FBXL14: variants seen among roughly 807,000 people sequenced by gnomAD.
FBXL14 encodes F-box/LRR-repeat protein 14.
FBXL14 carries 11 observed loss-of-function variants against 24.5 expected under a neutral mutation model. The ratio of observed to expected loss-of-function variants is 0.45; its 90% CI spans 0.28 to 0.74. FBXL14 has a LOEUF of 0.74. FBXL14 is among the 30% of genes least tolerant of loss of function. The probability of loss-of-function intolerance (pLI) is 0.12; values close to 1 mark genes in which losing one functional copy is unlikely to be tolerated. For missense variants in FBXL14, 384 were observed against 545.6 expected, an observed-to-expected ratio of 0.70 and a Z score of 2.95; for synonymous variants, 294 against 240.4, an observed-to-expected ratio of 1.22 and a Z score of -2.06.
Position 1,593,574 on chromosome 12 carries a change from C to T in FBXL14, c.493G>A (p.Ala165Thr). The change falls in exon 1 of 2, where the codon GCC becomes ACC. Residue 165 changes from alanine (A) to threonine (T), a missense_variant. Transcript: ENST00000339235. This position sits in a 1 kb window ranked among gnomAD's most constrained non-coding sequence, Gnocchi z 7.4. ...NITNTGLLLI[A>T]WGLQRLKSLN... is the part of the protein sequence containing the mutation. ...CTCTTGAGGCGCTGCAGACCCCAGG[C>T]GATGAGCAGAAGGCCAGTGTTGGTG... is the stretch of plus-strand genomic sequence containing the variant. 2 of 1,614,148 alleles carry T rather than the reference C, an allele frequency of 1.2e-6. No homozygotes were observed. Among genetic ancestry groups the T allele is most frequent in the Non-Finnish European group, 1.7e-6 (2 of 1,180,026 alleles).
chr12:1,592,699 CGGGAGGGGGCTGGAGGA>C (rs1270398002), intron 1 of FBXL14, among the ~76,000 whole-genome samples, 157 bp downstream of exon 1: 1 of 152,086 alleles, frequency 6.6e-6, no homozygotes, highest in Non-Finnish European at 1.5e-5. Context: ...GGCTGGAAGC[CGGGAGGGGGCTGGAGGA>C]GGGAGGAGGA....
chr12:1,589,600 A>G lies in FBXL14; in HGVS notation c.1194+3273T>C, dbSNP rs116242001. The stretch of plus-strand genomic sequence containing the variant: ...TATGACTTATCTGGAAAACAGGGAT[A>G]ATACCTGTTTCAGCAGGTTGCTTTG... On this transcript the variant is annotated intron_variant, in intron 1 of 1. Transcript: ENST00000339235. 3.7e-3 allele frequency among the ~76,000 whole-genome samples: 557 copies of G among 152,250 alleles called. 4 individuals carry two copies. Among genetic ancestry groups the G allele is most frequent in the African/African-American group, 0.013 (526 of 41,548 alleles).
At chr12:1,583,067 A>G (rs1484008194) in intron 1 of FBXL14, among the ~76,000 whole-genome samples, 2 of 152,026 alleles carry the variant, frequency 1.3e-5, no homozygotes, top group Non-Finnish European at 2.9e-5. Flanking sequence ...AGACTCTCTT[A>G]TATTTTATGA....
At chr12:1,570,975 A>G (rs2094444494) in intron 1 of FBXL14, among the ~76,000 whole-genome samples, 1 of 152,164 alleles carries the variant, frequency 6.6e-6, no homozygotes, top group Non-Finnish European at 1.5e-5. Flanking sequence ...GCTGCAGGAC[A>G]GTGGTAGGTT....
chr12:1,582,674 TTTTA>T (rs1448794366), intron 1 of FBXL14, among the ~76,000 whole-genome samples: 1 of 152,220 alleles, frequency 6.6e-6, no homozygotes, highest in Non-Finnish European at 1.5e-5. Flanking sequence ...ACTTTTCCTT[TTTTA>T]TTTATTCTCT....
chr12:1,588,589 A>C (rs1343730154), intron 1 of FBXL14, among the ~76,000 whole-genome samples: 1 of 152,184 alleles, frequency 6.6e-6, no homozygotes, highest in Non-Finnish European at 1.5e-5. Context: ...ATTTATAGAT[A>C]ATCTTTCCAG....
In FBXL14 at chr12:1,579,074, C is replaced by A. The variant is rs1268103130; in HGVS notation, c.1195-12264G>T. On this transcript the variant is annotated intron_variant, in intron 1 of 1. Transcript: ENST00000339235. This position sits in a 1 kb window ranked among gnomAD's most constrained non-coding sequence, Gnocchi z 4.3. ...GCTCCAGATAACACACTTCTACTTG[C>A]TTTCTTTAGGGAAACGACATGGTCT... Among the ~76,000 whole-genome samples the A allele has an allele frequency of 6.6e-6, 1 of 152,058 alleles. No individual in the cohort carries two copies. The highest frequency in any genetic ancestry group is 1.5e-5 in the Non-Finnish European group (1 of 68,002).
At chr12:1,573,831 C>T (rs1033277031) in intron 1 of FBXL14, among the ~76,000 whole-genome samples, 2 of 152,158 alleles carry the variant, frequency 1.3e-5, no homozygotes, top group South Asian at 4.1e-4. Flanking sequence ...ATGGAGAAAC[C>T]TTGTCTCTAC....
upstream of FBXL14, among the ~76,000 whole-genome samples, chr12:1,594,836 C>G (rs930358017): frequency 1.8e-4 from 27 of 151,756 alleles, no homozygotes. Context: ...GCGTCCCCTC[C>G]GCCGCTCCCG....
At chr12:1,568,023 C>A (rs1235422166) in intron 1 of FBXL14, among the ~76,000 whole-genome samples, 2 of 152,338 alleles carry the variant, frequency 1.3e-5, no homozygotes, top group East Asian at 3.9e-4. Context: ...TGACAGATTT[C>A]TCCAAATTAA....
intron 1 of FBXL14, among the ~76,000 whole-genome samples, chr12:1,574,226 G>C (rs2094450723): frequency 6.6e-6 from 1 of 151,730 alleles, no homozygotes; most frequent in Non-Finnish European, 1.5e-5. Context: ...TGAAATCTCT[G>C]GGGATAGAAT....
At position 1,592,857 on chromosome 12, in the gene FBXL14, G is replaced by A; in HGVS notation, c.1194+16C>T. 1 of 1,545,204 alleles carries A rather than the reference G, an allele frequency of 6.5e-7. No homozygotes were observed. The highest frequency in any genetic ancestry group is 8.8e-7 in the Non-Finnish European group (1 of 1,142,398). On this transcript the variant is annotated intron_variant, in intron 1 of 1. Coordinates refer to ENST00000339235, the MANE Select transcript of FBXL14 (RefSeq NM_152441.3). ...GGGCGGGACAAGGGGAGCTGGTGCT[G>A]CCGCCCTCACCTGACCTTCTCACTG...
chr12:1,572,570 A>C (rs961041054), intron 1 of FBXL14, among the ~76,000 whole-genome samples: 1 of 152,196 alleles, frequency 6.6e-6, no homozygotes, highest in Non-Finnish European at 1.5e-5. Context: ...GCCGTGGTCT[A>C]TCATTGGAGA....
intron 1 of FBXL14, chr12:1,587,391 G>GTAA (rs1158655781): frequency 6.6e-6 from 1 of 152,088 alleles, no homozygotes; most frequent in Non-Finnish European, 1.5e-5. Flanking sequence ...TGGGAGTGGG[G>GTAA]GTTTAACATA....
rs561463486 is a variant in FBXL14, at chr12:1,593,170, G to C, written c.897C>G (p.Tyr299Ter). 1 of 1,613,490 alleles carries C rather than the reference G, an allele frequency of 6.2e-7. No homozygotes were observed. The highest frequency in any genetic ancestry group is 8.5e-7 in the Non-Finnish European group (1 of 1,180,048). ...CDKVGDQSLA[Y>*]IAQGLDGLKS... ...TGAGGCCATCCAGCCCCTGGGCTATGTAAGCCAGACTCTGGTCTCCCACCT... is the reference window on the plus strand; with the variant it reads ...TGAGGCCATCCAGCCCCTGGGCTATCTAAGCCAGACTCTGGTCTCCCACCT... Residue 299 changes from tyrosine to a stop codon, truncating the protein, a stop_gained, in exon 1 of 2, where the codon TAC (tyrosine) becomes TAG (stop). Coordinates refer to ENST00000339235, the MANE Select transcript of FBXL14 (RefSeq NM_152441.3). LOFTEE classifies it high-confidence loss of function. The surrounding 1 kb of genome is among the most constrained non-coding windows in gnomAD (Gnocchi z 7.4).
At chr12:1,584,337 C>T (rs1463959977) in intron 1 of FBXL14, among the ~76,000 whole-genome samples, 5 of 152,178 alleles carry the variant, frequency 3.3e-5, no homozygotes, top group Non-Finnish European at 5.9e-5. Context: ...GGTGACAGAG[C>T]GAGACCCCAA....
intron 1 of FBXL14, among the ~76,000 whole-genome samples, chr12:1,586,166 A>T (rs1232268872): frequency 6.7e-6 from 1 of 150,138 alleles, no homozygotes; most frequent in African/African-American, 2.5e-5. Context: ...AATAGTAATA[A>T]CTTTTAGCAT....
At chr12:1,583,691 G>A (rs938208181) in intron 1 of FBXL14, among the ~76,000 whole-genome samples, 3 of 152,232 alleles carry the variant, frequency 2.0e-5, no homozygotes, top group South Asian at 2.1e-4. Flanking sequence ...GACATGGGAC[G>A]TGCAGACTTC....
rs1403052629 is a variant in FBXL14, at chr12:1,566,595, A to G, written c.*153T>C. On this transcript the variant is annotated 3_prime_UTR_variant, in exon 2 of 2. Transcript: ENST00000339235. ...AACCGGCAGGAGAATGCAGCTTCAC[A>G]AGGTACCGGAGCAGAAGCCCTGGGC... 2 of 635,588 alleles carry G rather than the reference A, an allele frequency of 3.1e-6. No individual in the cohort carries two copies. The highest frequency in any genetic ancestry group is 3.7e-5 in the African/African-American group (2 of 54,652). 39.4% of individuals were successfully genotyped at this position (635,588 alleles called of 1,614,324 possible). A position where few individuals can be genotyped will look rare whatever the true frequency, so the allele number is the denominator to read the frequency against.
Sources: allele counts gnomAD v4.1 joint callset (sites outside exome capture counted in the v4.1 genomes callset), GRCh38; gene constraint gnomAD v4.1.1; non-coding constraint Gnocchi (gnomAD v3.1); transcripts MANE v1.5; gene names NCBI Gene and HGNC (gene_info 2026-07-23, HGNC 2026-07-21).